PIGL: variants seen among roughly 807,000 people sequenced by gnomAD.
PIGL encodes phosphatidylinositol glycan anchor biosynthesis class L.
Under a neutral mutation model 31.1 loss-of-function variants are expected in PIGL, and 22 were observed. The ratio of observed to expected loss-of-function variants is 0.71; its 90% CI spans 0.51 to 1.01. PIGL has a LOEUF of 1.01. Ranked by LOEUF, PIGL falls within the 50% of genes least tolerant of loss-of-function variation. PIGL has a pLI of 0.00. For synonymous variants in PIGL, 131 were observed against 117.4 expected, an observed-to-expected ratio of 1.12 and a Z score of -0.75; for missense variants, 302 against 315.9, an observed-to-expected ratio of 0.96 and a Z score of 0.33.
chr17:16,295,479 A>G (rs1012384133), intron 2 of PIGL, among the ~76,000 whole-genome samples: 2 of 151,272 alleles, frequency 1.3e-5, no homozygotes, highest in Admixed American at 6.6e-5. Context: ...CCATACATGT[A>G]CTAAAAATCA....
In PIGL at chr17:16,267,154, A is replaced by G. The variant is rs79650194; in HGVS notation, c.336-32734A>G. Among the ~76,000 whole-genome samples, 1,358 of 152,296 alleles carry G rather than the reference A, an allele frequency of 8.9e-3. 20 individuals carry two copies. The highest frequency in any genetic ancestry group is 0.029 in the African/African-American group (1,192 of 41,558). On this transcript the variant is annotated intron_variant, in intron 2 of 6. Transcript: ENST00000225609. ...TCTTGATAACCTAAACAATTAACAC[A>G]TATTTTGTATCTTTATCATATACTG...
chr17:16,233,838 CT>C (rs1362246293), intron 1 of PIGL, 132 bp from the exon 2 acceptor site: 4 of 569,564 alleles, frequency 7.0e-6, no homozygotes, highest in Non-Finnish European at 1.3e-5. Flanking sequence ...TTTTCTTAAA[CT>C]TTGTATCATA....
In PIGL at chr17:16,326,004, C is replaced by T. The variant is rs2093125976; in HGVS notation, c.*106C>T. On this transcript the variant is annotated 3_prime_UTR_variant, in exon 7 of 7. Coordinates refer to ENST00000225609, the MANE Select transcript of PIGL (RefSeq NM_004278.4). ...TATTTACCTGAGCTCAAGGAGATCC[C>T]CGCTGGAGCAGCCTCTGCAAAAGGG... 1 of 783,770 alleles carries T rather than the reference C, an allele frequency of 1.3e-6. No homozygotes were observed. The highest frequency in any genetic ancestry group is 2.5e-5 in the East Asian group (1 of 39,644). 48.6% of individuals were successfully genotyped at this position (783,770 alleles called of 1,614,324 possible).
intron 3 of PIGL, among the ~76,000 whole-genome samples, chr17:16,309,039 C>T (rs2093037747): frequency 6.6e-6 from 1 of 152,216 alleles, no homozygotes; most frequent in African/African-American, 2.4e-5. Flanking sequence ...GATCCTCCTA[C>T]TTCAGCCTCC....
intron 2 of PIGL, among the ~76,000 whole-genome samples, chr17:16,247,635 T>G (rs1202831871): frequency 6.6e-6 from 1 of 152,226 alleles, no homozygotes; most frequent in East Asian, 1.9e-4. Flanking sequence ...GTAGTCCTTC[T>G]GATCTCTGGA....
chr17:16,261,043 C>T (rs2092817105), intron 2 of PIGL, among the ~76,000 whole-genome samples: 1 of 151,448 alleles, frequency 6.6e-6, no homozygotes, highest in Non-Finnish European at 1.5e-5. Flanking sequence ...TGCTTGAACC[C>T]AGGAGGCAGA....
rs1024793246 is a variant in PIGL, at chr17:16,317,767, C to G, written c.527-8C>G. The G allele has an allele frequency of 6.4e-5, 103 of 1,613,554 alleles. No individual in the cohort carries two copies. The highest frequency in any genetic ancestry group is 8.6e-5 in the Non-Finnish European group (102 of 1,179,968). On this transcript the variant is annotated splice_polypyrimidine_tract_variant and splice_region_variant and intron_variant, in intron 5 of 6. Transcript: ENST00000225609. ...CTTATCACTTCACCCTGTCTCCTCTCCATCCAGGGTGCTCTGTGCTCACGC... is the reference window on the plus strand; with the variant it reads ...CTTATCACTTCACCCTGTCTCCTCTGCATCCAGGGTGCTCTGTGCTCACGC...
At chr17:16,253,417 G>A (rs545654552) in intron 2 of PIGL, among the ~76,000 whole-genome samples, 2 of 152,158 alleles carry the variant, frequency 1.3e-5, no homozygotes, top group East Asian at 3.8e-4. Context: ...ATTTATAGTT[G>A]AGGTGATGGA....
At chr17:16,228,476 C>G (rs2092663240) in intron 1 of PIGL, among the ~76,000 whole-genome samples, 1 of 152,148 alleles carries the variant, frequency 6.6e-6, no homozygotes, top group Non-Finnish European at 1.5e-5. Flanking sequence ...GCTCCGCCTC[C>G]CGGGTTTACT....
chr17:16,290,905 C>T (rs1488285765), intron 2 of PIGL, among the ~76,000 whole-genome samples: 1 of 152,114 alleles, frequency 6.6e-6, no homozygotes, highest in Non-Finnish European at 1.5e-5. Flanking sequence ...GTCTTGAACT[C>T]CTGTGCTCAA....
chr17:16,270,424 C>T (rs947526679), intron 2 of PIGL, among the ~76,000 whole-genome samples: 33 of 151,670 alleles, frequency 2.2e-4, no homozygotes, highest in Admixed American at 2.0e-3. Context: ...TGTGATCCAA[C>T]AATTAATTAT....
chr17:16,301,879 T>C lies in PIGL; in HGVS notation c.426+1901T>C, dbSNP rs374419518. On this transcript the variant is annotated intron_variant, in intron 3 of 6. Transcript: ENST00000225609. ...CCACCACGCCCAGCCTAATTTTTTT[T>C]TTTTAGAGACAGGATCTTGCTGTGT... Among the ~76,000 whole-genome samples the C allele has an allele frequency of 1.2e-4, 19 of 152,140 alleles. No homozygotes were observed. In the East Asian group the frequency reaches 2.1e-3, roughly 17 times the overall value.
intron 2 of PIGL, among the ~76,000 whole-genome samples, chr17:16,240,985 A>C (rs935728482): frequency 9.2e-5 from 14 of 151,376 alleles, no homozygotes; most frequent in African/African-American, 2.9e-4. Flanking sequence ...GTGGTGGCAC[A>C]TCCCTGTAAT....
intron 2 of PIGL, among the ~76,000 whole-genome samples, chr17:16,271,370 T>C (rs1024441391): frequency 1.3e-5 from 2 of 152,188 alleles, no homozygotes; most frequent in Non-Finnish European, 2.9e-5. Flanking sequence ...CTGAGGTTTT[T>C]TCACAACTAG....
chr17:16,311,987 G>A (rs867673210), intron 3 of PIGL, among the ~76,000 whole-genome samples: 21 of 152,016 alleles, frequency 1.4e-4, no homozygotes, highest in African/African-American at 5.1e-4. Flanking sequence ...CCTCCCAGAC[G>A]GGGTGGTGGC....
At chr17:16,225,005 G>C (rs2092645713) in intron 1 of PIGL, among the ~76,000 whole-genome samples, 1 of 152,248 alleles carries the variant, frequency 6.6e-6, no homozygotes, top group South Asian at 2.1e-4. Context: ...ATTAATATAA[G>C]GAGAACTGAC....
rs115716856 is a variant in PIGL, at chr17:16,220,640, G to A, written c.235+3179G>A. 4.1e-3 allele frequency among the ~76,000 whole-genome samples: 624 copies of A among 151,552 alleles called. 7 individuals are homozygous for A. The highest frequency in any genetic ancestry group is 0.015 in the African/African-American group (602 of 41,278). Reference sequence around the variant, plus strand: ...AGTAGCGGGATTACAGGCATTCACCGCCACGCCCAGCCAATTTTGTATTTT... The same window carrying A: ...AGTAGCGGGATTACAGGCATTCACCACCACGCCCAGCCAATTTTGTATTTT... On this transcript the variant is annotated intron_variant, in intron 1 of 6. Coordinates refer to ENST00000225609, the MANE Select transcript of PIGL (RefSeq NM_004278.4).
At chr17:16,298,873 C>CA (rs1568831835) in intron 2 of PIGL, among the ~76,000 whole-genome samples, 1 of 151,886 alleles carries the variant, frequency 6.6e-6, no homozygotes, top group Non-Finnish European at 1.5e-5. Flanking sequence ...ACTAAAAATA[C>CA]AAAAATTAGC....
intron 2 of PIGL, among the ~76,000 whole-genome samples, chr17:16,263,833 CTTT>C (rs913026747): frequency 6.5e-5 from 5 of 76,980 alleles, no homozygotes; most frequent in Non-Finnish European, 1.2e-4. Flanking sequence ...TAAATGTTGA[CTTT>C]TTTTTTTTTT....
Sources: allele counts gnomAD v4.1 joint callset (sites outside exome capture counted in the v4.1 genomes callset), GRCh38; gene constraint gnomAD v4.1.1; transcripts MANE v1.5; gene names NCBI Gene and HGNC (gene_info 2026-07-23, HGNC 2026-07-21).